Variants in DPYD observed in about 807,000 individuals in gnomAD.
The protein encoded by DPYD is dihydropyrimidine dehydrogenase.
DPYD carries 109 observed loss-of-function variants against 116.2 expected under a neutral mutation model. The ratio of observed to expected loss-of-function variants is 0.94; its 90% CI spans 0.80 to 1.10. The LOEUF is 1.10. Ranked by LOEUF, DPYD falls within the 50% of genes least tolerant of loss-of-function variation. The probability of loss-of-function intolerance (pLI) is 0.00; values close to 1 mark genes in which losing one functional copy is unlikely to be tolerated. For missense variants in DPYD, 1,302 were observed against 1,254.5 expected (o/e 1.04, Z -0.57); for synonymous variants, 440 against 432.0 (o/e 1.02, Z -0.23).
chr1:97,426,246 C>T (rs1674860103), intron 14 of DPYD, among the ~76,000 whole-genome samples: 1 of 151,926 alleles, frequency 6.6e-6, no homozygotes, highest in Non-Finnish European at 1.5e-5. Context: ...AGGAACACAG[C>T]TTTCAAAACT....
intron 20 of DPYD, among the ~76,000 whole-genome samples, chr1:97,132,421 A>G (rs1475787189): frequency 6.6e-6 from 1 of 152,154 alleles, no homozygotes; most frequent in Non-Finnish European, 1.5e-5. Flanking sequence ...GGGTTAGGAA[A>G]TGAATCAGAT....
At chr1:97,776,331 C>T (rs1466175409) in intron 3 of DPYD, among the ~76,000 whole-genome samples, 1 of 152,094 alleles carries the variant, frequency 6.6e-6, no homozygotes, top group African/African-American at 2.4e-5. Context: ...AGAAGTCATG[C>T]TTTCATGAAC....
intron 3 of DPYD, among the ~76,000 whole-genome samples, chr1:97,741,313 C>T (rs1312593029): frequency 6.6e-6 from 1 of 152,162 alleles, no homozygotes; most frequent in African/African-American, 2.4e-5. Context: ...AAACTTCCTG[C>T]ATATTAATCT....
chr1:97,185,218 A>G (rs1657912922), intron 20 of DPYD, among the ~76,000 whole-genome samples: 2 of 152,328 alleles, frequency 1.3e-5, no homozygotes, highest in African/African-American at 4.8e-5. Context: ...TGGAAGGCCA[A>G]TAAGAACATA....
intron 2 of DPYD, 71 bp from the exon 3 acceptor site, chr1:97,828,267 A>G: frequency 7.2e-7 from 1 of 1,383,878 alleles, no homozygotes; most frequent in East Asian, 2.4e-5. Flanking sequence ...CAGTTATGCA[A>G]AAATGTAATT....
chr1:97,487,391 A>G (rs1678698419), intron 13 of DPYD, among the ~76,000 whole-genome samples: 1 of 152,180 alleles, frequency 6.6e-6, no homozygotes, highest in Non-Finnish European at 1.5e-5. Context: ...AATGACAATG[A>G]GGCCAGGCGC....
chr1:97,327,904 T>C (rs1274695587), intron 16 of DPYD, among the ~76,000 whole-genome samples: 3 of 152,060 alleles, frequency 2.0e-5, no homozygotes, highest in Non-Finnish European at 2.9e-5. Context: ...AAAACTGATA[T>C]TACAAAAAGC....
chr1:97,616,343 A>C (rs1267881811), intron 8 of DPYD, among the ~76,000 whole-genome samples: 1 of 152,154 alleles, frequency 6.6e-6, no homozygotes, highest in African/African-American at 2.4e-5. Context: ...TAAGTGAGTA[A>C]ATCATCCCTT....
intron 11 of DPYD, among the ~76,000 whole-genome samples, chr1:97,566,724 T>A (rs1652543725): frequency 6.6e-6 from 1 of 152,126 alleles, no homozygotes; most frequent in South Asian, 2.1e-4. Flanking sequence ...ATATGAGAAA[T>A]TACGTAAGCT....
chr1:97,899,809 G>C (rs1481287398), intron 1 of DPYD, among the ~76,000 whole-genome samples: 1 of 151,946 alleles, frequency 6.6e-6, no homozygotes, highest in African/African-American at 2.4e-5. Flanking sequence ...AGTAGAAAAA[G>C]TTAACTTATC....
In DPYD at chr1:97,078,013, A is replaced by C. The variant is rs1181088905; in HGVS notation, c.*963T>G. ...AAAATATTATCTAATAATAACAAAA[A>C]ATATATTTCTTTTAAACATAAACAC... On this transcript the variant is annotated 3_prime_UTR_variant, in exon 23 of 23. Coordinates refer to ENST00000370192, the MANE Select transcript of DPYD (RefSeq NM_000110.4). The C allele has an allele frequency of 6.6e-6, 1 of 152,164 alleles. No homozygotes were observed. Among genetic ancestry groups the C allele is most frequent in the African/African-American group, 2.4e-5 (1 of 41,454 alleles). The allele number at this position is 152,164 out of a possible 1,614,324, so 9.4% of individuals were successfully genotyped here.
At position 97,213,276 on chromosome 1, in the gene DPYD, T is replaced by C. The variant is rs192182757; in HGVS notation, c.2443-20028A>G. On this transcript the variant is annotated intron_variant, in intron 19 of 22. Transcript: ENST00000370192. ...AACTATCTCACAGGATTACTGGAGG[T>C]ATAAATAAATTATTACAACTTTTAG... 4.6e-5 allele frequency among the ~76,000 whole-genome samples: 7 copies of C among 152,236 alleles called. No homozygotes were observed. The East Asian group carries it at 1.4e-3, about 29-fold the overall frequency.
At chr1:97,462,689 G>A (rs961789387) in intron 13 of DPYD, among the ~76,000 whole-genome samples, 1 of 152,158 alleles carries the variant, frequency 6.6e-6, no homozygotes, top group African/African-American at 2.4e-5. Context: ...GGCTCTGAAA[G>A]GAATTGAAGT....
intron 1 of DPYD, among the ~76,000 whole-genome samples, chr1:97,919,057 C>T (rs1026615266): frequency 6.6e-6 from 1 of 152,122 alleles, no homozygotes; most frequent in Non-Finnish European, 1.5e-5. Flanking sequence ...GAATGTGCTC[C>T]CCTAAGCTTA....
At chr1:97,867,770 T>C (rs576621359) in intron 2 of DPYD, among the ~76,000 whole-genome samples, 1 of 151,856 alleles carries the variant, frequency 6.6e-6, no homozygotes, top group Non-Finnish European at 1.5e-5. Flanking sequence ...AACATCATAT[T>C]CAATGGTGAA....
chr1:97,803,358 C>T (rs943604389), intron 3 of DPYD, among the ~76,000 whole-genome samples: 5 of 151,864 alleles, frequency 3.3e-5, no homozygotes, highest in African/African-American at 9.7e-5. Context: ...CTATAATAAT[C>T]TTGTTTCATG....
chr1:97,131,822 G>C (rs776563940), intron 20 of DPYD, among the ~76,000 whole-genome samples: 1 of 151,762 alleles, frequency 6.6e-6, no homozygotes, highest in Non-Finnish European at 1.5e-5. Flanking sequence ...CAGCAATGAA[G>C]AAAAAAAGAT....
chr1:97,565,515 C>T (rs547416596), intron 11 of DPYD, among the ~76,000 whole-genome samples: 1 of 152,256 alleles, frequency 6.6e-6, no homozygotes, highest in African/African-American at 2.4e-5. Flanking sequence ...TGTAACCACA[C>T]ACCATCTGGT....
chr1:97,538,254 T>C (rs1470324139), intron 12 of DPYD, among the ~76,000 whole-genome samples: 1 of 152,172 alleles, frequency 6.6e-6, no homozygotes, highest in African/African-American at 2.4e-5. Context: ...GGACTTCTCA[T>C]TTCTCTTCAA....
Sources: gnomAD v4.1 joint callset for allele counts (sites outside exome capture counted in the v4.1 genomes callset) on GRCh38, gnomAD v4.1.1 for gene constraint, MANE v1.5 for transcripts, NCBI Gene and HGNC (gene_info 2026-07-23, HGNC 2026-07-21) for gene names.